Variants in GIPC2 observed in about 807,000 individuals in gnomAD.
The protein encoded by GIPC2 is PDZ domain-containing protein GIPC2.
A neutral mutation model predicts 30.6 loss-of-function variants in GIPC2; 30 were observed. That is an observed-to-expected ratio of 0.98 (90% CI 0.73 to 1.33). GIPC2 has a LOEUF of 1.33. Among genes scored for constraint, GIPC2 ranks in the 40% most tolerant of loss-of-function variants. The probability of loss-of-function intolerance (pLI) is 0.00; values close to 1 mark genes in which losing one functional copy is unlikely to be tolerated. For synonymous variants in GIPC2, 167 were observed against 150.0 expected (o/e 1.11, Z -0.83); for missense variants, 414 against 390.3 (o/e 1.06, Z -0.51).
intron 2 of GIPC2, among the ~76,000 whole-genome samples, chr1:78,082,263 G>A (rs1314659904): frequency 1.3e-5 from 2 of 152,116 alleles, no homozygotes; most frequent in Admixed American, 6.6e-5. Flanking sequence ...CTATTCACTC[G>A]ATTAAGAATT....
intron 1 of GIPC2, chr1:78,068,982 C>A: frequency 1.4e-6 from 1 of 690,788 alleles, no homozygotes; most frequent in Non-Finnish European, 1.8e-6. Flanking sequence ...GGTCTTCTCC[C>A]TCTCTTTTCT....
chr1:78,106,341 C>T (rs561483943), intron 3 of GIPC2, among the ~76,000 whole-genome samples: 2 of 151,832 alleles, frequency 1.3e-5, no homozygotes, highest in East Asian at 1.9e-4. Context: ...GGGCGGATCA[C>T]GAGGTCAGGA....
At chr1:78,054,206 G>A (rs1455760681) in intron 1 of GIPC2, among the ~76,000 whole-genome samples, 3 of 152,098 alleles carry the variant, frequency 2.0e-5, no homozygotes, top group Non-Finnish European at 4.4e-5. Flanking sequence ...CTGGATACCT[G>A]CTATTGCATG....
rs114945633 is a variant in GIPC2 at position 78,047,152 on chromosome 1, C to T, written c.240+818C>T. On this transcript the variant is annotated intron_variant, in intron 1 of 5. Transcript: ENST00000370759. ...GACCTAAAGCACTAGTTTATGTGAACGTTTATGTGACCACTTTATTTGTGC... is the reference window on the plus strand; with the variant it reads ...GACCTAAAGCACTAGTTTATGTGAATGTTTATGTGACCACTTTATTTGTGC... 3.0e-3 allele frequency among the ~76,000 whole-genome samples: 457 copies of T among 152,260 alleles called. 3 individuals carry two copies. Among genetic ancestry groups the T allele is most frequent in the African/African-American group, 0.011 (437 of 41,538 alleles).
At chr1:78,080,565 C>G in intron 1 of GIPC2, 110 bp from the exon 2 acceptor site, 1 of 641,556 alleles carries the variant, frequency 1.6e-6, no homozygotes, top group Non-Finnish European at 2.7e-6. Flanking sequence ...TGATGTAACT[C>G]TTTACATCAT....
intron 3 of GIPC2, among the ~76,000 whole-genome samples, chr1:78,109,074 C>T (rs965892344): frequency 2.6e-5 from 4 of 152,170 alleles, no homozygotes; most frequent in African/African-American, 9.7e-5. Flanking sequence ...ATTTAGGTAT[C>T]ATCATATTAA....
At chr1:78,115,769 G>C (rs1022546887) in intron 3 of GIPC2, among the ~76,000 whole-genome samples, 1 of 152,180 alleles carries the variant, frequency 6.6e-6, no homozygotes. Context: ...TAGGTTTTTG[G>C]TTAGGCGGGG....
At chr1:78,051,594 G>A (rs900765663) in intron 1 of GIPC2, among the ~76,000 whole-genome samples, 2 of 152,072 alleles carry the variant, frequency 1.3e-5, no homozygotes, top group African/African-American at 2.4e-5. Context: ...CTGCCTCCCG[G>A]GTTCAAGTGA....
At chr1:78,078,187 C>CAAAA (rs10694093) in intron 1 of GIPC2, among the ~76,000 whole-genome samples, 10 of 65,048 alleles carry the variant, frequency 1.5e-4, no homozygotes, top group Non-Finnish European at 2.1e-4. Context: ...GACTCCATCT[C>CAAAA]AAAAAAAAAA....
intron 1 of GIPC2, among the ~76,000 whole-genome samples, chr1:78,058,184 C>T (rs1661331137): frequency 6.6e-6 from 1 of 152,064 alleles, no homozygotes; most frequent in South Asian, 2.1e-4. Context: ...AGACCTTGGG[C>T]AAGTTATTGG....
At chr1:78,046,707 A>G (rs894927346) in intron 1 of GIPC2, among the ~76,000 whole-genome samples, 1 of 151,718 alleles carries the variant, frequency 6.6e-6, no homozygotes, top group African/African-American at 2.4e-5. Flanking sequence ...AATACCCTCC[A>G]CTTCATCTGG....
chr1:78,119,134 A>G (rs148200584), intron 3 of GIPC2, among the ~76,000 whole-genome samples: 1 of 152,004 alleles, frequency 6.6e-6, no homozygotes, highest in East Asian at 1.9e-4. Flanking sequence ...CTTCCTTGTA[A>G]CTTTGTCTTT....
chr1:78,046,476 C>G, intron 1 of GIPC2, 142 bp downstream of exon 1: 1 of 748,354 alleles, frequency 1.3e-6, no homozygotes, highest in South Asian at 1.6e-5. Context: ...GGGGGCGTCC[C>G]GGGGGAAAGT....
intron 2 of GIPC2, chr1:78,091,750 C>G: frequency 1.3e-6 from 1 of 776,166 alleles, no homozygotes; most frequent in African/African-American, 1.7e-5. Flanking sequence ...AATTTGTTCT[C>G]AAGCACAAAG....
chr1:78,062,685 T>C (rs1442100524), intron 1 of GIPC2, among the ~76,000 whole-genome samples: 1 of 151,458 alleles, frequency 6.6e-6, no homozygotes, highest in Non-Finnish European at 1.5e-5. Context: ...TTTTTTTTTT[T>C]GTATTTTTGG....
intron 1 of GIPC2, among the ~76,000 whole-genome samples, chr1:78,063,216 G>A (rs1002258600): frequency 6.6e-6 from 1 of 152,122 alleles, no homozygotes; most frequent in Non-Finnish European, 1.5e-5. Flanking sequence ...AAGGCATCAA[G>A]CAGCTGGGTG....
At chr1:78,119,779 A>G (rs1041816941) in intron 4 of GIPC2, among the ~76,000 whole-genome samples, 1 of 152,164 alleles carries the variant, frequency 6.6e-6, no homozygotes, top group Non-Finnish European at 1.5e-5. Context: ...GAACCAAGAA[A>G]ATGTTTCAGA....
rs780691097 is a variant in GIPC2, at chr1:78,095,055, A to T, written c.530A>T (p.Asp177Val). ...GENIVGWRHY[D>V]VAKKLKELKK... is the part of the protein sequence containing the mutation. ...AATATTGTTGGGTGGCGTCACTATG[A>T]TGTTGCTAAGAAGTTAAAGGAATTA... Residue 177 changes from aspartate to valine, a missense_variant, in exon 3 of 6, where the codon GAT becomes GTT. Asp to Val is a radical substitution (Grantham distance 152, BLOSUM62 -3). Coordinates refer to ENST00000370759, the MANE Select transcript of GIPC2 (RefSeq NM_017655.6). 3 of 1,609,046 alleles carry T rather than the reference A, an allele frequency of 1.9e-6. No individual in the cohort carries two copies. The highest frequency in any genetic ancestry group is 2.6e-6 in the Non-Finnish European group (3 of 1,175,430).
At chr1:78,049,580 C>G (rs1171392276) in intron 1 of GIPC2, among the ~76,000 whole-genome samples, 1 of 152,170 alleles carries the variant, frequency 6.6e-6, no homozygotes, top group East Asian at 1.9e-4. Context: ...ATAAATAGCA[C>G]TACATGAAGA....
Sources: allele counts gnomAD v4.1 joint callset (sites outside exome capture counted in the v4.1 genomes callset), GRCh38; gene constraint gnomAD v4.1.1; transcripts MANE v1.5; gene names NCBI Gene and HGNC (gene_info 2026-07-23, HGNC 2026-07-21).